The following LRRC4C variants were observed in gnomAD, a reference collection of about 807,000 sequenced individuals.
LRRC4C encodes leucine rich repeat containing 4C, also known as leucine-rich repeat-containing protein 4C.
LRRC4C carries 5 observed loss-of-function variants against 33.6 expected under a neutral mutation model. That is an observed-to-expected ratio of 0.15 (90% CI 0.08 to 0.31). The LOEUF is 0.31. Among genes scored for constraint, LRRC4C ranks in the 10% least tolerant of loss-of-function variants. LRRC4C has a pLI of 1.00. For missense variants in LRRC4C, 560 were observed against 796.7 expected, an observed-to-expected ratio of 0.70 and a Z score of 3.58; for synonymous variants, 329 against 302.0, an observed-to-expected ratio of 1.09 and a Z score of -0.93.
intron 1 of LRRC4C, among the ~76,000 whole-genome samples, chr11:40,996,046 G>A (rs902897132): frequency 1.3e-5 from 2 of 152,152 alleles, no homozygotes; most frequent in African/African-American, 4.8e-5. Flanking sequence ...CACTGTTCAT[G>A]AGATTTCCAC....
intron 5 of LRRC4C, among the ~76,000 whole-genome samples, chr11:40,141,742 C>T (rs559116143): frequency 3.3e-5 from 5 of 152,118 alleles, no homozygotes; most frequent in African/African-American, 1.2e-4. Context: ...GAGTGAAGCA[C>T]AGGGCTATGG....
At chr11:41,437,604 T>C (rs889664903) in intron 1 of LRRC4C, among the ~76,000 whole-genome samples, 2 of 152,226 alleles carry the variant, frequency 1.3e-5, no homozygotes, top group Non-Finnish European at 2.9e-5. Context: ...AAAATGCTTC[T>C]GCCCCATTCC....
intron 3 of LRRC4C, among the ~76,000 whole-genome samples, chr11:40,542,046 CTT>C (rs1491254940): frequency 1.6e-5 from 2 of 124,812 alleles, no homozygotes; most frequent in African/African-American, 5.9e-5. Context: ...CTTTCTTTCT[CTT>C]TCTCTCTTTC....
intron 2 of LRRC4C, among the ~76,000 whole-genome samples, chr11:40,738,477 G>A (rs1330860159): frequency 6.6e-6 from 1 of 152,030 alleles, no homozygotes; most frequent in Non-Finnish European, 1.5e-5. Context: ...ACAGAGTATA[G>A]ATCATTCACT....
intron 1 of LRRC4C, among the ~76,000 whole-genome samples, chr11:41,004,063 T>C (rs1201529438): frequency 2.0e-5 from 3 of 152,074 alleles, no homozygotes; most frequent in East Asian, 3.9e-4. Flanking sequence ...TGAGAGGCTA[T>C]GGTTACAAAG....
intron 1 of LRRC4C, among the ~76,000 whole-genome samples, chr11:41,279,488 G>T (rs1481986922): frequency 6.7e-6 from 1 of 150,044 alleles, no homozygotes; most frequent in Non-Finnish European, 1.5e-5. Context: ...TCCAACTTTT[G>T]GTGCAATTCC....
At chr11:40,187,991 A>G (rs145210787) in intron 5 of LRRC4C, among the ~76,000 whole-genome samples, 2 of 152,184 alleles carry the variant, frequency 1.3e-5, no homozygotes, top group Non-Finnish European at 2.9e-5. Flanking sequence ...AGGGATATTA[A>G]TTTAAGGGAA....
At chr11:41,417,945 C>T (rs1021636324) in intron 1 of LRRC4C, among the ~76,000 whole-genome samples, 3 of 136,742 alleles carry the variant, frequency 2.2e-5, no homozygotes, top group Admixed American at 8.1e-5. Flanking sequence ...TATATATATA[C>T]GTATATATAC....
At chr11:40,658,194 C>T (rs547982570) in intron 2 of LRRC4C, among the ~76,000 whole-genome samples, 1 of 152,216 alleles carries the variant, frequency 6.6e-6, no homozygotes, top group East Asian at 1.9e-4. Flanking sequence ...ATTTGGTGTC[C>T]CATAGTAGGC....
At chr11:41,376,442 A>C (rs916852298) in intron 1 of LRRC4C, among the ~76,000 whole-genome samples, 2 of 152,200 alleles carry the variant, frequency 1.3e-5, no homozygotes, top group Admixed American at 6.5e-5. Flanking sequence ...ATCATCTCCA[A>C]CTAATGGCCA....
At chr11:40,595,236 T>C (rs1385652921) in intron 3 of LRRC4C, among the ~76,000 whole-genome samples, 1 of 146,208 alleles carries the variant, frequency 6.8e-6, no homozygotes, top group Non-Finnish European at 1.5e-5. Flanking sequence ...TTAGGTATTA[T>C]CTTAGAGATC....
intron 2 of LRRC4C, among the ~76,000 whole-genome samples, chr11:40,920,567 T>C (rs1162261915): frequency 6.6e-6 from 1 of 152,140 alleles, no homozygotes; most frequent in African/African-American, 2.4e-5. Flanking sequence ...AAGCATACAA[T>C]CATTTCCCCC....
intron 1 of LRRC4C, among the ~76,000 whole-genome samples, chr11:41,107,058 ATTTT>A (rs3979485): frequency 2.1e-5 from 3 of 141,018 alleles, no homozygotes; most frequent in South Asian, 2.2e-4. Flanking sequence ...TTAGGTTTTG[ATTTT>A]TTTTTTTTTT....
At chr11:41,118,657 A>G (rs368500911) in intron 1 of LRRC4C, among the ~76,000 whole-genome samples, 10 of 152,254 alleles carry the variant, frequency 6.6e-5, no homozygotes, top group African/African-American at 2.2e-4. Context: ...TGAAAAGACA[A>G]ATCAGTCTCC....
At chr11:40,395,840 A>G (rs1949516397) in intron 3 of LRRC4C, among the ~76,000 whole-genome samples, 1 of 152,112 alleles carries the variant, frequency 6.6e-6, no homozygotes, top group African/African-American at 2.4e-5. Flanking sequence ...TACAAAAATT[A>G]GCTGGGTGTG....
chr11:41,443,781 ATT>A (rs11419487), intron 1 of LRRC4C, among the ~76,000 whole-genome samples: 38 of 115,088 alleles, frequency 3.3e-4, no homozygotes, highest in African/African-American at 8.3e-4. Flanking sequence ...ACACCTAGCT[ATT>A]TTTTTTTTTT....
At chr11:40,663,051 A>G (rs1943531239) in intron 2 of LRRC4C, among the ~76,000 whole-genome samples, 1 of 152,170 alleles carries the variant, frequency 6.6e-6, no homozygotes, top group South Asian at 2.1e-4. Flanking sequence ...TTTGGTTGGA[A>G]TAAGTCACTT....
At chr11:40,567,751 G>C (rs562972015) in intron 3 of LRRC4C, among the ~76,000 whole-genome samples, 64 of 152,272 alleles carry the variant, frequency 4.2e-4, no homozygotes, top group African/African-American at 1.5e-3. Context: ...CATAAGACTT[G>C]CCCTGAACTC....
At chr11:40,391,971 A>G (rs1056612223) in intron 3 of LRRC4C, among the ~76,000 whole-genome samples, 12 of 152,216 alleles carry the variant, frequency 7.9e-5, no homozygotes, top group Non-Finnish European at 1.3e-4. Flanking sequence ...CAGTACAAAG[A>G]AATGAGCTAT....
Sources: allele counts gnomAD v4.1 joint callset (sites outside exome capture counted in the v4.1 genomes callset), GRCh38; gene constraint gnomAD v4.1.1; transcripts MANE v1.5; gene names NCBI Gene and HGNC (gene_info 2026-07-23, HGNC 2026-07-21).